The following NRDE2 variants were observed in gnomAD, a reference collection of about 807,000 sequenced individuals.
NRDE2 encodes NRDE-2, necessary for RNA interference, domain containing.
NRDE2 carries 76 observed loss-of-function variants against 124.2 expected under a neutral mutation model. The ratio of observed to expected loss-of-function variants is 0.61; its 90% CI spans 0.51 to 0.74. The LOEUF (loss-of-function observed/expected upper bound fraction) is 0.74. Ranked by LOEUF, NRDE2 falls within the 30% of genes least tolerant of loss-of-function variation. NRDE2 has a pLI of 0.00. For missense variants in NRDE2, 1,314 were observed against 1,417.3 expected, an observed-to-expected ratio of 0.93 and a Z score of 1.17; for synonymous variants, 489 against 528.1, an observed-to-expected ratio of 0.93 and a Z score of 1.01.
chr14:90,301,697 GA>G, intron 6 of NRDE2: 1 of 453,424 alleles, frequency 2.2e-6, no homozygotes, highest in Admixed American at 2.5e-5. Flanking sequence ...AAAAATTATA[GA>G]AAAAGGATGG....
chr14:90,298,481 T>C, intron 7 of NRDE2, 101 bp from the exon 8 acceptor site: 1 of 1,199,114 alleles, frequency 8.3e-7, no homozygotes, highest in South Asian at 1.2e-5. Flanking sequence ...CTTATGATCC[T>C]TGAAATCATG....
rs555380296 is a variant in NRDE2, at chr14:90,269,591, T to C, written c.*8745A>G. 1.3e-6 allele frequency: 2 copies of C among 1,590,446 alleles called. No homozygotes were observed. Among genetic ancestry groups the C allele is most frequent in the East Asian group, 2.2e-5 (1 of 44,502 alleles). ...TTCATCATGGAGATTAATGTGTTTA[T>C]ATATTTGTGTTTAAGTGTGCTTTGG... On this transcript the variant is annotated 3_prime_UTR_variant, in exon 14 of 14. Transcript: ENST00000354366.
Position 90,268,318 on chromosome 14 carries a change from T to C in NRDE2, c.*10018A>G. On this transcript the variant is annotated 3_prime_UTR_variant, in exon 14 of 14. Transcript: ENST00000354366. ...AACTTATTCAGAAGTACCTAGGTGA[T>C]GGGCCCAAACTCGTACGGGAATTGT... is the stretch of plus-strand genomic sequence containing the variant. 1.2e-6 allele frequency: 2 copies of C among 1,613,374 alleles called. No homozygotes were observed. Among genetic ancestry groups the C allele is most frequent in the South Asian group, 1.1e-5 (1 of 91,050 alleles).
intron 8 of NRDE2, among the ~76,000 whole-genome samples, chr14:90,295,312 AATAAT>A (rs1884101078): frequency 6.6e-6 from 1 of 152,192 alleles, no homozygotes; most frequent in Non-Finnish European, 1.5e-5. Context: ...GTAGTATAAT[AATAAT>A]ATATTGTGTA....
At chr14:90,287,474 A>C (rs1359909581) in intron 11 of NRDE2, among the ~76,000 whole-genome samples, 1 of 151,872 alleles carries the variant, frequency 6.6e-6, no homozygotes, top group African/African-American at 2.4e-5. Context: ...AAAATAAAAA[A>C]ATTAGCCAGG....
In NRDE2 at chr14:90,278,383, G is replaced by T; in HGVS notation, c.3448C>A (p.Arg1150=). The T allele has an allele frequency of 6.2e-7, 1 of 1,614,036 alleles. No individual in the cohort carries two copies. The highest frequency in any genetic ancestry group is 8.5e-7 in the Non-Finnish European group (1 of 1,179,994). ...ILDLMTEKEL[R]VRLPLEELEL... Reference sequence around the variant, plus strand: ...AGCTCCTCCAGCGGCAGGCGCACCCGGAGCTCCTTCTCAGTCATCAGGTCC... The same window carrying T: ...AGCTCCTCCAGCGGCAGGCGCACCCTGAGCTCCTTCTCAGTCATCAGGTCC... Residue 1150 remains arginine, a synonymous_variant, in exon 14 of 14, where the codon CGG becomes AGG. Transcript: ENST00000354366.
intron 8 of NRDE2, among the ~76,000 whole-genome samples, chr14:90,294,673 TGG>T (rs981415048): frequency 6.6e-6 from 1 of 151,896 alleles, no homozygotes; most frequent in Non-Finnish European, 1.5e-5. Flanking sequence ...TGCTGGGGCC[TGG>T]GGGGAGGGAG....
chr14:90,327,504 G>A (rs1360552802), intron 1 of NRDE2, among the ~76,000 whole-genome samples: 1 of 151,444 alleles, frequency 6.6e-6, no homozygotes, highest in African/African-American at 2.4e-5. Flanking sequence ...AGCTGTGATT[G>A]CGCCACTACA....
In NRDE2 at chr14:90,286,404, C is replaced by T. The variant is rs376798752; in HGVS notation, c.3247G>A (p.Asp1083Asn). 152 of 1,614,022 alleles carry T rather than the reference C, an allele frequency of 9.4e-5. No individual in the cohort carries two copies. The highest frequency in any genetic ancestry group is 1.2e-4 in the Non-Finnish European group (142 of 1,180,018). ...AGCAAGGGGCACTGGCTGCCACTGT[C>T]GCTGCGCATGGCATTTTCAAACAGG... ...QALFENAMRS[D>N]SGSQCPLLWR... The change falls in exon 12 of 14, where the codon GAC (aspartate) becomes AAC (asparagine). Residue 1083 changes from aspartate to asparagine, a missense_variant. Transcript: ENST00000354366.
Position 90,289,087 on chromosome 14 carries a change from C to T in NRDE2, c.2288G>A (p.Cys763Tyr), listed in dbSNP as rs757444794. Reference sequence around the variant, plus strand: ...AAGGAGATTCTTGGCTAGTTTTTTGCAGTTCTTCCCTTGAGACTTTAATCT... The same window carrying T: ...AAGGAGATTCTTGGCTAGTTTTTTGTAGTTCTTCCCTTGAGACTTTAATCT... Reference protein sequence around the residue: ...KKRLKSQGKNCKKLAKNLLKE... With the variant: ...KKRLKSQGKNYKKLAKNLLKE... The change falls in exon 11 of 14, where the codon TGC (cysteine) becomes TAC (tyrosine). Residue 763 changes from cysteine (C) to tyrosine (Y), a missense_variant. Physicochemically the swap from Cys to Tyr is radical, Grantham distance 194. Coordinates refer to ENST00000354366, the MANE Select transcript of NRDE2 (RefSeq NM_017970.4). The T allele has an allele frequency of 1.2e-6, 2 of 1,613,678 alleles. No individual in the cohort carries two copies. Among genetic ancestry groups the T allele is most frequent in the African/African-American group, 1.3e-5 (1 of 74,900 alleles).
chr14:90,301,583 T>C (rs1195048214), intron 6 of NRDE2, among the ~76,000 whole-genome samples: 1 of 152,152 alleles, frequency 6.6e-6, no homozygotes, highest in Non-Finnish European at 1.5e-5. Context: ...TATGAAAGCA[T>C]CACAGAACAC....
chr14:90,318,243 T>C (rs549104064), intron 1 of NRDE2, 130 bp from the exon 2 acceptor site: 7 of 655,288 alleles, frequency 1.1e-5, no homozygotes, highest in Non-Finnish European at 1.8e-5. Flanking sequence ...GAACAGTCAG[T>C]CCAAAGTCCA....
intron 11 of NRDE2, among the ~76,000 whole-genome samples, chr14:90,287,611 A>G (rs1256373281): frequency 6.6e-6 from 1 of 152,052 alleles, no homozygotes; most frequent in African/African-American, 2.4e-5. Context: ...ACAGAGTAAG[A>G]CCCTGTCTCA....
intron 6 of NRDE2, 50 bp downstream of exon 6, chr14:90,302,669 CA>C (rs1884447433): frequency 2.0e-6 from 3 of 1,469,292 alleles, no homozygotes; most frequent in Non-Finnish European, 2.7e-6. Context: ...CAAGTAAAGC[CA>C]AAAGAAAGTC....
Position 90,298,270 on chromosome 14 carries a change from G to A in NRDE2, c.1656C>T (p.Val552=). Residue 552 remains valine, a synonymous_variant, in exon 8 of 14, where the codon GTC becomes GTT. Transcript: ENST00000354366. The part of the protein sequence containing the change: ...MHQQERGGWV[V]INPDEDDDEP... ...TGAGAGGTGACTTACCTGGGTTGATGACCACCCAGCCACCTCGTTCCTGCT... is the reference window on the plus strand; with the variant it reads ...TGAGAGGTGACTTACCTGGGTTGATAACCACCCAGCCACCTCGTTCCTGCT... 1 of 1,613,584 alleles carries A rather than the reference G, an allele frequency of 6.2e-7. No homozygotes were observed. Among genetic ancestry groups the A allele is most frequent in the Non-Finnish European group, 8.5e-7 (1 of 1,179,934 alleles).
At chr14:90,302,605 C>A (rs1884445222) in intron 6 of NRDE2, 115 bp downstream of exon 6, 1 of 1,177,088 alleles carries the variant, frequency 8.5e-7, no homozygotes, top group Non-Finnish European at 1.2e-6. Flanking sequence ...AAAATCAGTT[C>A]TATCAAACAA....
rs745329787 is a variant in NRDE2 at position 90,272,260 on chromosome 14, T to G, written c.*6076A>C. On this transcript the variant is annotated 3_prime_UTR_variant, in exon 14 of 14. Coordinates refer to ENST00000354366, the MANE Select transcript of NRDE2 (RefSeq NM_017970.4). This position sits in a 1 kb window ranked among gnomAD's most constrained non-coding sequence, Gnocchi z 4.5. ...AGTATGTCACTTTCTGAACACACTC[T>G]TCTTTCTTACAGGCAATCTGTACAG... 1 of 1,601,730 alleles carries G rather than the reference T, an allele frequency of 6.2e-7. No homozygotes were observed. The highest frequency in any genetic ancestry group is 8.5e-7 in the Non-Finnish European group (1 of 1,177,580).
intron 3 of NRDE2, among the ~76,000 whole-genome samples, chr14:90,316,208 A>G (rs1446563122): frequency 6.6e-6 from 1 of 152,210 alleles, no homozygotes; most frequent in Non-Finnish European, 1.5e-5. Flanking sequence ...AAGATATATC[A>G]AGGCAGAGAA....
Position 90,298,348 on chromosome 14 carries a change from T to C in NRDE2, c.1578A>G (p.Gly526=). Reference sequence around the variant, plus strand: ...CTCCCTTCTCCCCAGCCCGGGGCTCTCCACTGTCCCAAAAGGGTTCAAAGA... The same window carrying C: ...CTCCCTTCTCCCCAGCCCGGGGCTCCCCACTGTCCCAAAAGGGTTCAAAGA... ...VEFFEPFWDS[G]EPRAGEKGAR... The change falls in exon 8 of 14, where the codon GGA becomes GGG. Residue 526 remains glycine, a synonymous_variant. Transcript: ENST00000354366. 3 of 1,613,758 alleles carry C rather than the reference T, an allele frequency of 1.9e-6. No individual in the cohort carries two copies. Among genetic ancestry groups the C allele is most frequent in the East Asian group, 2.2e-5 (1 of 44,866 alleles).
Sources: allele counts gnomAD v4.1 joint callset (sites outside exome capture counted in the v4.1 genomes callset), GRCh38; gene constraint gnomAD v4.1.1; non-coding constraint Gnocchi (gnomAD v3.1); transcripts MANE v1.5; gene names NCBI Gene and HGNC (gene_info 2026-07-23, HGNC 2026-07-21).